Variants in ABCA9 observed in about 807,000 individuals in gnomAD.
ABCA9 encodes the protein ATP-binding cassette sub-family A member 9.
In ABCA9, 183 loss-of-function variants were observed where a neutral mutation model predicts 205.3. The ratio of observed to expected loss-of-function variants is 0.89; its 90% CI spans 0.79 to 1.01. The LOEUF (loss-of-function observed/expected upper bound fraction) is 1.01. Ranked by LOEUF, ABCA9 falls within the 50% of genes least tolerant of loss-of-function variation. The pLI, the probability that ABCA9 is intolerant of heterozygous loss-of-function variation, is 0.00. For synonymous variants in ABCA9, 651 were observed against 683.3 expected (o/e 0.95, Z 0.74); for missense variants, 1,805 against 1,912.4 (o/e 0.94, Z 1.05).
At chr17:69,054,139 A>C (rs2071994060) in intron 1 of ABCA9, among the ~76,000 whole-genome samples, 1 of 152,212 alleles carries the variant, frequency 6.6e-6, no homozygotes, top group African/African-American at 2.4e-5. Context: ...TCAGACAAAC[A>C]AAAAATGAGA....
rs563804064 is a variant in ABCA9 at position 68,995,434 on chromosome 17, G to A, written c.3555+461C>T. Among the ~76,000 whole-genome samples the A allele has an allele frequency of 1.1e-4, 17 of 152,122 alleles. No individual in the cohort carries two copies. In the South Asian group the frequency reaches 1.5e-3, roughly 13 times the overall value. On this transcript the variant is annotated intron_variant, in intron 26 of 38. Coordinates refer to ENST00000340001, the MANE Select transcript of ABCA9 (RefSeq NM_080283.4). ...TTTTATTTCTATCTCTACTCACCGC[G>A]TAGGTCATATTATTGTCGCATGGCT... is the stretch of plus-strand genomic sequence containing the variant.
chr17:68,983,000 T>C (rs1471473209), intron 36 of ABCA9, among the ~76,000 whole-genome samples: 1 of 152,182 alleles, frequency 6.6e-6, no homozygotes. Context: ...AGTGAGATCC[T>C]GTCTCAAAAA....
chr17:68,997,570 A>G (rs996074239), intron 25 of ABCA9, among the ~76,000 whole-genome samples: 1 of 145,542 alleles, frequency 6.9e-6, no homozygotes, highest in African/African-American at 2.5e-5. Flanking sequence ...ATGTGGCTGT[A>G]ATTTGTTCCT....
intron 25 of ABCA9, among the ~76,000 whole-genome samples, chr17:68,996,241 G>A (rs1437461860): frequency 1.3e-5 from 2 of 152,110 alleles, no homozygotes; most frequent in Non-Finnish European, 2.9e-5. Context: ...CAATCTCAAT[G>A]GCATACAAAT....
At chr17:69,014,347 AGGTG>A (rs1308560903) in intron 22 of ABCA9, among the ~76,000 whole-genome samples, 1 of 152,192 alleles carries the variant, frequency 6.6e-6, no homozygotes, top group African/African-American at 2.4e-5. Context: ...TCTGTGTAAA[AGGTG>A]CACATGAAAC....
rs1012823049 is a variant in ABCA9, at chr17:69,034,541, C to T, written c.1129-668G>A. 6 of 152,118 alleles carry T rather than the reference C, an allele frequency of 3.9e-5. No individual in the cohort carries two copies. The East Asian group carries it at 5.8e-4, about 15-fold the overall frequency. 9.4% of individuals were successfully genotyped at this position (152,118 alleles called of 1,614,324 possible). Reference sequence around the variant, plus strand: ...AGTCTTTAAAAATTCTTTTTGATGGCTGCACATTTTCCATTGTATGGATGG... The same window carrying T: ...AGTCTTTAAAAATTCTTTTTGATGGTTGCACATTTTCCATTGTATGGATGG... On this transcript the variant is annotated intron_variant, in intron 8 of 38. Transcript: ENST00000340001.
chr17:69,008,494 G>A (rs545020317), intron 23 of ABCA9, among the ~76,000 whole-genome samples: 3 of 152,320 alleles, frequency 2.0e-5, no homozygotes, highest in South Asian at 2.1e-4. Context: ...GATTGGGCAT[G>A]GCCTCAGTGA....
intron 23 of ABCA9, chr17:69,011,692 T>C: frequency 3.6e-6 from 1 of 275,636 alleles, no homozygotes; most frequent in African/African-American, 2.2e-5. Context: ...GATGTGATTA[T>C]GTCTGTGAGT....
At chr17:69,077,695 G>A in the ABCA9 span, among the ~76,000 whole-genome samples, 2 of 152,150 alleles carry the variant, frequency 1.3e-5, no homozygotes, top group Non-Finnish European at 2.9e-5. Flanking sequence ...CCAATGTTGG[G>A]TGCATATATA....
chr17:69,012,157 A>T, intron 22 of ABCA9, 74 bp from the exon 23 acceptor site: 1 of 1,025,216 alleles, frequency 9.8e-7, no homozygotes, highest in Non-Finnish European at 1.4e-6. Context: ...TAACTAAATC[A>T]CTCAAATAAA....
the ABCA9 span, among the ~76,000 whole-genome samples, chr17:69,066,482 T>A: frequency 8.5e-5 from 13 of 152,148 alleles, no homozygotes; most frequent in Non-Finnish European, 1.8e-4. Flanking sequence ...TTTTGTTTTT[T>A]AAAGACAACA....
At chr17:69,075,742 TA>T in the ABCA9 span, among the ~76,000 whole-genome samples, 878 of 152,188 alleles carry the variant, frequency 5.8e-3, 10 homozygotes, top group African/African-American at 0.02. Context: ...ATATAAATTT[TA>T]AAATATTTTT....
At chr17:69,049,631 G>C in intron 2 of ABCA9, 141 bp from the exon 3 acceptor site, 1 of 697,326 alleles carries the variant, frequency 1.4e-6, no homozygotes, top group Non-Finnish European at 2.3e-6. Flanking sequence ...TAAATATCCT[G>C]ATTTTCTTTG....
At chr17:69,058,127 T>C (rs945372877) in intron 1 of ABCA9, among the ~76,000 whole-genome samples, 6 of 152,188 alleles carry the variant, frequency 3.9e-5, no homozygotes, top group African/African-American at 1.4e-4. Context: ...GATGGGAAAC[T>C]CACCCAGGAA....
chr17:68,989,161 A>G, intron 30 of ABCA9, 43 bp from the exon 31 acceptor site: 1 of 1,317,462 alleles, frequency 7.6e-7, no homozygotes, highest in East Asian at 2.3e-5. Flanking sequence ...AATAATTGCA[A>G]CAAAAATAAA....
upstream of ABCA9, among the ~76,000 whole-genome samples, chr17:69,062,930 T>G (rs1420159407): frequency 6.6e-6 from 1 of 152,206 alleles, no homozygotes; most frequent in African/African-American, 2.4e-5. Context: ...TTTTGGCAAC[T>G]ACATATAGCA....
chr17:69,001,178 G>C (rs2069852371), intron 25 of ABCA9, among the ~76,000 whole-genome samples: 2 of 151,506 alleles, frequency 1.3e-5, no homozygotes, highest in African/African-American at 2.4e-5. Context: ...TGGTGAGAGA[G>C]GGCATCCCTG....
At chr17:69,009,953 A>T (rs367657255) in intron 23 of ABCA9, among the ~76,000 whole-genome samples, 2 of 152,222 alleles carry the variant, frequency 1.3e-5, no homozygotes, top group African/African-American at 4.8e-5. Flanking sequence ...TATACTAAAA[A>T]AATTCATTGT....
intron 19 of ABCA9, 102 bp downstream of exon 19, chr17:69,020,286 A>G: frequency 9.0e-7 from 1 of 1,109,002 alleles, no homozygotes; most frequent in East Asian, 2.5e-5. Context: ...GACAATGTGC[A>G]TTTACTGAAA....
Sources: allele counts gnomAD v4.1 joint callset (sites outside exome capture counted in the v4.1 genomes callset), GRCh38; gene constraint gnomAD v4.1.1; transcripts MANE v1.5; gene names NCBI Gene and HGNC (gene_info 2026-07-23, HGNC 2026-07-21).